YEATS4: variants seen among roughly 807,000 people sequenced by gnomAD.
YEATS4 encodes the protein YEATS domain-containing protein 4.
In YEATS4, 17 loss-of-function variants were observed where a neutral mutation model predicts 30.1. The ratio of observed to expected loss-of-function variants is 0.56; its 90% CI spans 0.39 to 0.85. YEATS4 has a LOEUF of 0.85. Ranked by LOEUF, YEATS4 falls within the 40% of genes least tolerant of loss-of-function variation. YEATS4 has a pLI of 0.00. For missense variants in YEATS4, 142 were observed against 268.3 expected, an observed-to-expected ratio of 0.53 and a Z score of 3.29; for synonymous variants, 85 against 87.5, an observed-to-expected ratio of 0.97 and a Z score of 0.16.
chr12:69,389,112 G>GA (rs1333839962), intron 6 of YEATS4, among the ~76,000 whole-genome samples: 4 of 152,030 alleles, frequency 2.6e-5, no homozygotes, highest in Admixed American at 1.3e-4. Flanking sequence ...CCACCTATTT[G>GA]AAAAAAAGAT....
chr12:69,419,396 A>AT, the YEATS4 span, among the ~76,000 whole-genome samples: 1 of 151,004 alleles, frequency 6.6e-6, no homozygotes, highest in Non-Finnish European at 1.5e-5. Context: ...AATTTTTAAA[A>AT]TTTTTTGTAG....
chr12:69,363,466 A>G (rs938376543), intron 2 of YEATS4, among the ~76,000 whole-genome samples: 2 of 152,240 alleles, frequency 1.3e-5, no homozygotes, highest in South Asian at 2.1e-4. Flanking sequence ...TATTTATGCT[A>G]TAAATACAGT....
the YEATS4 span, among the ~76,000 whole-genome samples, chr12:69,413,377 A>G: frequency 2.7e-4 from 41 of 150,090 alleles, no homozygotes; most frequent in Non-Finnish European, 1.3e-4. Flanking sequence ...AAAAAAAACT[A>G]CTAATTGCAG....
At chr12:69,395,063 A>T (rs2603080), downstream of YEATS4, among the ~76,000 whole-genome samples, 1 of 152,170 alleles carries the variant, frequency 6.6e-6, no homozygotes, top group Non-Finnish European at 1.5e-5. Context: ...AATTAGTTCA[A>T]TGTTTTCAGA....
the YEATS4 span, among the ~76,000 whole-genome samples, chr12:69,409,912 A>T: frequency 2.0e-4 from 31 of 152,316 alleles, no homozygotes; most frequent in African/African-American, 7.0e-4. Context: ...TGATGTGAAG[A>T]CAAAGGGAGA....
chr12:69,383,817 T>G (rs1312013340), intron 6 of YEATS4, among the ~76,000 whole-genome samples: 2 of 152,196 alleles, frequency 1.3e-5, no homozygotes, highest in Non-Finnish European at 2.9e-5. Flanking sequence ...TCTTGAAGCC[T>G]GGCTGTAAAG....
intron 1 of YEATS4, among the ~76,000 whole-genome samples, chr12:69,360,341 G>A (rs118117666): frequency 1.2e-3 from 183 of 152,270 alleles, no homozygotes; most frequent in East Asian, 0.012. Flanking sequence ...GTGCACATTC[G>A]CTGCCAATCT....
At chr12:69,398,657 A>T in the YEATS4 span, among the ~76,000 whole-genome samples, 1 of 151,904 alleles carries the variant, frequency 6.6e-6, no homozygotes, top group Non-Finnish European at 1.5e-5. Context: ...TACTAAAAAA[A>T]TATAAAAATT....
intron 1 of YEATS4, among the ~76,000 whole-genome samples, chr12:69,362,013 G>GTTTTTTTTTTTTTTTGTTT (rs1875232327): frequency 1.4e-5 from 1 of 69,080 alleles, no homozygotes; most frequent in African/African-American, 5.0e-5. Context: ...GTGTTTGGTT[G>GTTTTTTTTTTTTTTTGTTT]TTTTTTTTTT....
chr12:69,417,256 C>T, the YEATS4 span, among the ~76,000 whole-genome samples: 2 of 143,414 alleles, frequency 1.4e-5, no homozygotes, highest in East Asian at 2.2e-4. Context: ...TTCCTGGGTT[C>T]AAGTGATCCT....
At chr12:69,380,997 C>G (rs190370884) in intron 6 of YEATS4, among the ~76,000 whole-genome samples, 2 of 152,074 alleles carry the variant, frequency 1.3e-5, no homozygotes, top group Non-Finnish European at 2.9e-5. Context: ...ATCACAGGAC[C>G]GGGGCAAAAC....
chr12:69,399,808 A>G, the YEATS4 span, among the ~76,000 whole-genome samples: 1 of 152,270 alleles, frequency 6.6e-6, no homozygotes, highest in South Asian at 2.1e-4. Context: ...CTCAGCAGTA[A>G]AAATGAATGA....
At position 69,390,366 on chromosome 12, in the gene YEATS4, C is replaced by T; in HGVS notation, c.*50C>T. 6.8e-7 allele frequency: 1 copy of T among 1,475,462 alleles called. No individual in the cohort carries two copies. Among genetic ancestry groups the T allele is most frequent in the Middle Eastern group, 1.8e-4 (1 of 5,522 alleles). The allele number at this position is 1,475,462 out of a possible 1,614,324, so 91.4% of individuals were successfully genotyped here. On this transcript the variant is annotated 3_prime_UTR_variant, in exon 7 of 7. Coordinates refer to ENST00000247843, the MANE Select transcript of YEATS4 (RefSeq NM_006530.4). ...TAAGCTAAACTGAAAATAAGGTGGG[C>T]TTCACTGGAGAAATGGACTTACTGC... is the stretch of plus-strand genomic sequence containing the variant.
the YEATS4 span, among the ~76,000 whole-genome samples, chr12:69,408,642 T>C: frequency 6.6e-6 from 1 of 152,216 alleles, no homozygotes; most frequent in East Asian, 1.9e-4. Context: ...TTCCAGAGAA[T>C]TGTATCATGG....
chr12:69,415,984 T>A, the YEATS4 span, among the ~76,000 whole-genome samples: 4 of 152,206 alleles, frequency 2.6e-5, no homozygotes, highest in Admixed American at 2.6e-4. Context: ...TCAGTTCACA[T>A]CTGTTTTCTA....
the YEATS4 span, among the ~76,000 whole-genome samples, chr12:69,412,100 G>T: frequency 2.9e-4 from 44 of 152,320 alleles, no homozygotes; most frequent in African/African-American, 1.0e-3. Flanking sequence ...GGTGATGAGG[G>T]TCGGGAGCAG....
rs1157447845 is a variant in YEATS4, at chr12:69,390,181, A to G, written c.549A>G (p.Leu183=). ...TTGAAGTGAAAACCAGAGAAAAATT[A>G]GAAGCTGCTAAGAAAAAAACAAGCT... ...AELEVKTREK[L]EAAKKKTSFE... Residue 183 remains leucine, a synonymous_variant, in exon 7 of 7, where the codon TTA becomes TTG. Coordinates refer to ENST00000247843, the MANE Select transcript of YEATS4 (RefSeq NM_006530.4). 7 of 1,591,348 alleles carry G rather than the reference A, an allele frequency of 4.4e-6. No individual in the cohort carries two copies. In the Admixed American group the frequency reaches 5.7e-5, roughly 13 times the overall value.
the YEATS4 span, among the ~76,000 whole-genome samples, chr12:69,426,590 C>T: frequency 1.5e-4 from 23 of 152,150 alleles, no homozygotes; most frequent in Non-Finnish European, 2.9e-4. Context: ...ACGCTGATCT[C>T]GAACTCCTGA....
chr12:69,362,873 A>G lies in YEATS4; in HGVS notation c.137A>G (p.Gln46Arg). The G allele has an allele frequency of 6.2e-7, 1 of 1,611,322 alleles. No individual in the cohort carries two copies. Among genetic ancestry groups the G allele is most frequent in the East Asian group, 2.2e-5 (1 of 44,670 alleles). Residue 46 changes from glutamine to arginine, a missense_variant, in exon 2 of 7, where the codon CAG becomes CGG. By Grantham distance (43) the Gln-to-Arg change is conservative. Transcript: ENST00000247843. The stretch of plus-strand genomic sequence containing the variant: ...AGAGAAGAAGATGGGCACACTCATC[A>G]GTGGACAGTATATGTGAAACCATAT... The part of the protein sequence containing the change: ...KKREEDGHTH[Q>R]WTVYVKPYRN...
Sources: gnomAD v4.1 joint callset for allele counts (sites outside exome capture counted in the v4.1 genomes callset) on GRCh38, gnomAD v4.1.1 for gene constraint, MANE v1.5 for transcripts, NCBI Gene and HGNC (gene_info 2026-07-23, HGNC 2026-07-21) for gene names.